The following CSMD1 variants were observed in gnomAD, a reference collection of about 807,000 sequenced individuals.
CSMD1 encodes CUB and Sushi multiple domains 1, also known as CUB and sushi domain-containing protein 1.
A neutral mutation model predicts 417.5 loss-of-function variants in CSMD1; 213 were observed. That is an observed-to-expected ratio of 0.51 (90% confidence interval 0.46 to 0.57). The LOEUF (loss-of-function observed/expected upper bound fraction) is 0.57. Ranked by LOEUF, CSMD1 falls within the 20% of genes least tolerant of loss-of-function variation. CSMD1 has a pLI of 0.00. For missense variants in CSMD1, 6,923 were observed against 4,529.7 expected (o/e 1.53, Z -15.17); for synonymous variants, 2,862 against 1,736.8 (o/e 1.65, Z -16.11).
chr8:4,578,191 C>T (rs1465118699), intron 2 of CSMD1, among the ~76,000 whole-genome samples: 15 of 152,052 alleles, frequency 9.9e-5, no homozygotes, highest in African/African-American at 2.7e-4. Flanking sequence ...GAGGAAGTCT[C>T]GCTCTGTTGC....
chr8:4,779,452 T>G (rs1055849488), intron 1 of CSMD1, among the ~76,000 whole-genome samples: 1 of 151,526 alleles, frequency 6.6e-6, no homozygotes, highest in Non-Finnish European at 1.5e-5. Context: ...CAATGTATAT[T>G]TAATGAAGCT....
chr8:3,931,274 G>C (rs115365540), intron 5 of CSMD1, among the ~76,000 whole-genome samples: 1,667 of 150,544 alleles, frequency 0.011, 108 homozygotes, highest in African/African-American at 0.038. Context: ...ATTTTGAATT[G>C]TTAATAAATG....
At chr8:4,531,728 C>G (rs1426952700) in intron 2 of CSMD1, among the ~76,000 whole-genome samples, 1 of 152,154 alleles carries the variant, frequency 6.6e-6, no homozygotes, top group Admixed American at 6.5e-5. Context: ...AGATACAATT[C>G]CCATACCATG....
chr8:3,635,633 G>A lies in CSMD1; in HGVS notation c.1010-18836C>T, dbSNP rs182138320. On this transcript the variant is annotated intron_variant, in intron 7 of 69. Coordinates refer to ENST00000635120, the MANE Select transcript of CSMD1 (RefSeq NM_033225.6). ...TGAGTAGCTGGGACTACAGGCGCCAGCCACCATGCCTGGCTATTTTTTGTA... is the reference window on the plus strand; with the variant it reads ...TGAGTAGCTGGGACTACAGGCGCCAACCACCATGCCTGGCTATTTTTTGTA... Among the ~76,000 whole-genome samples, 12 of 151,422 alleles carry A rather than the reference G, an allele frequency of 7.9e-5. No individual in the cohort carries two copies. The South Asian group carries it at 8.4e-4, about 11-fold the overall frequency.
At chr8:3,575,907 T>C (rs943217166) in intron 9 of CSMD1, among the ~76,000 whole-genome samples, 25 of 152,190 alleles carry the variant, frequency 1.6e-4, no homozygotes, top group Admixed American at 1.6e-3. Context: ...GACTCTGGTT[T>C]TAACATTCAT....
intron 7 of CSMD1, among the ~76,000 whole-genome samples, chr8:3,657,093 C>T (rs1293050194): frequency 6.6e-6 from 1 of 152,100 alleles, no homozygotes; most frequent in African/African-American, 2.4e-5. Flanking sequence ...TACCGAGTTG[C>T]TGCACTGGAC....
intron 1 of CSMD1, among the ~76,000 whole-genome samples, chr8:4,675,264 C>A (rs1229979903): frequency 6.6e-6 from 1 of 152,178 alleles, no homozygotes; most frequent in Admixed American, 6.5e-5. Context: ...AAAACTTTCA[C>A]TTCTTATCTC....
At chr8:4,411,415 A>G (rs564448963) in intron 3 of CSMD1, among the ~76,000 whole-genome samples, 1 of 152,274 alleles carries the variant, frequency 6.6e-6, no homozygotes, top group East Asian at 1.9e-4. Flanking sequence ...AACCATTTGA[A>G]AAAATACACA....
chr8:4,237,819 T>A (rs1802158461), intron 3 of CSMD1, among the ~76,000 whole-genome samples: 1 of 152,190 alleles, frequency 6.6e-6, no homozygotes, highest in Non-Finnish European at 1.5e-5. Flanking sequence ...GGCCCAAAAA[T>A]AATTTTTAAA....
chr8:3,671,760 T>G (rs1799080834), intron 7 of CSMD1, among the ~76,000 whole-genome samples: 1 of 151,720 alleles, frequency 6.6e-6, no homozygotes, highest in African/African-American at 2.4e-5. Flanking sequence ...AACAGGCCCC[T>G]TGCTCAGGTG....
chr8:4,508,213 C>T (rs1802634068), intron 2 of CSMD1, among the ~76,000 whole-genome samples: 1 of 149,204 alleles, frequency 6.7e-6, no homozygotes, highest in Admixed American at 6.7e-5. Context: ...CTCCCTGATA[C>T]CGCCCATACT....
rs774388039 is a variant in CSMD1 at position 3,189,999 on chromosome 8, A to G, written c.5311T>C (p.Tyr1771His). 1 of 1,599,400 alleles carries G rather than the reference A, an allele frequency of 6.3e-7. No homozygotes were observed. Among genetic ancestry groups the G allele is most frequent in the Non-Finnish European group, 8.5e-7 (1 of 1,173,192 alleles). ...AGCGCCGTGGAACCCTGAAGCAGGT[A>G]TCCCGGGTTGCACTCGAATCGGACG... ...SIVRFECNPG[Y>H]LLQGSTALHC... The change falls in exon 34 of 70, where the codon TAC becomes CAC. Residue 1771 changes from tyrosine (Y) to histidine (H), a missense_variant. Coordinates refer to ENST00000635120, the MANE Select transcript of CSMD1 (RefSeq NM_033225.6).
At chr8:4,869,398 G>T (rs891010029) in intron 1 of CSMD1, among the ~76,000 whole-genome samples, 3 of 151,884 alleles carry the variant, frequency 2.0e-5, no homozygotes, top group African/African-American at 7.3e-5. Flanking sequence ...TCATAACTTT[G>T]AGTTACTTGA....
At chr8:3,750,981 G>A (rs113570505) in intron 6 of CSMD1, among the ~76,000 whole-genome samples, 6,627 of 152,164 alleles carry the variant, frequency 0.044, 190 homozygotes, top group Non-Finnish European at 0.068. Context: ...GATGGGTCTT[G>A]TCATCTTCCT....
intron 3 of CSMD1, among the ~76,000 whole-genome samples, chr8:4,116,391 C>A (rs117132127): frequency 6.6e-6 from 1 of 151,964 alleles, no homozygotes; most frequent in African/African-American, 2.4e-5. Context: ...GAATATACCA[C>A]ACCATGAATG....
intron 3 of CSMD1, among the ~76,000 whole-genome samples, chr8:4,204,645 T>G (rs923155993): frequency 4.6e-5 from 7 of 152,168 alleles, no homozygotes; most frequent in African/African-American, 1.7e-4. Context: ...CTAAATTATT[T>G]TATAAAAATT....
At chr8:3,299,551 C>A (rs997785932) in intron 25 of CSMD1, among the ~76,000 whole-genome samples, 4 of 121,640 alleles carry the variant, frequency 3.3e-5, no homozygotes, top group African/African-American at 9.1e-5. Context: ...CGCACAGTGT[C>A]CCAAGGTCTG....
At chr8:3,241,400 C>A (rs562436283) in intron 26 of CSMD1, among the ~76,000 whole-genome samples, 1 of 152,016 alleles carries the variant, frequency 6.6e-6, no homozygotes, top group Non-Finnish European at 1.5e-5. Flanking sequence ...ACGGTCTTAC[C>A]CTCCACTGTG....
At chr8:3,346,028 A>G (rs1018304907) in intron 22 of CSMD1, among the ~76,000 whole-genome samples, 4 of 152,158 alleles carry the variant, frequency 2.6e-5, no homozygotes, top group Non-Finnish European at 1.5e-5. Context: ...TTATTACATC[A>G]CAGTATGTGC....
Sources: allele counts gnomAD v4.1 joint callset (sites outside exome capture counted in the v4.1 genomes callset), GRCh38; gene constraint gnomAD v4.1.1; transcripts MANE v1.5; gene names NCBI Gene and HGNC (gene_info 2026-07-23, HGNC 2026-07-21).